Variants in GRIN2A observed in about 807,000 individuals in gnomAD.
GRIN2A encodes the protein glutamate receptor ionotropic, NMDA 2A.
GRIN2A carries 22 observed loss-of-function variants against 113.4 expected under a neutral mutation model. The ratio of observed to expected loss-of-function variants is 0.19; its 90% CI spans 0.14 to 0.28. The LOEUF is 0.28. Ranked by LOEUF, GRIN2A falls within the 10% of genes least tolerant of loss-of-function variation. The pLI is 1.00. For synonymous variants in GRIN2A, 827 were observed against 738.4 expected (o/e 1.12, Z -1.94); for missense variants, 1,502 against 1,887.0 (o/e 0.80, Z 3.78).
intron 2 of GRIN2A, among the ~76,000 whole-genome samples, chr16:10,085,024 A>G (rs539394582): frequency 1.8e-4 from 27 of 152,344 alleles, no homozygotes; most frequent in Middle Eastern, 3.4e-3. Context: ...TCCCTGCAAC[A>G]ACTCCCTGAG....
chr16:9,768,748 G>A, intron 12 of GRIN2A, 103 bp downstream of exon 12: 1 of 824,248 alleles, frequency 1.2e-6, no homozygotes, highest in Non-Finnish European at 2.2e-6. Context: ...CCCAAGAAAG[G>A]CTGGTAAGGG....
intron 2 of GRIN2A, among the ~76,000 whole-genome samples, chr16:9,987,305 A>G (rs1271781158): frequency 1.3e-5 from 2 of 152,230 alleles, no homozygotes; most frequent in Non-Finnish European, 2.9e-5. Flanking sequence ...TTCCTTTTAT[A>G]AAACATTAAT....
At chr16:10,004,173 G>A (rs952224368) in intron 2 of GRIN2A, among the ~76,000 whole-genome samples, 8 of 151,978 alleles carry the variant, frequency 5.3e-5, no homozygotes, top group Non-Finnish European at 1.2e-4. Flanking sequence ...GGCACATCAC[G>A]AAGTCAGGAG....
At chr16:10,178,552 C>A (rs2050196381) in intron 2 of GRIN2A, among the ~76,000 whole-genome samples, 1 of 152,222 alleles carries the variant, frequency 6.6e-6, no homozygotes, top group African/African-American at 2.4e-5. Context: ...CTACTCTCTT[C>A]TTCCCAGACA....
At chr16:9,774,340 C>A (rs1484997514) in intron 11 of GRIN2A, among the ~76,000 whole-genome samples, 2 of 152,152 alleles carry the variant, frequency 1.3e-5, no homozygotes, top group Non-Finnish European at 2.9e-5. Context: ...TTTTGGGGAG[C>A]ACATCCAGTC....
At chr16:9,952,441 A>C (rs575886991) in intron 2 of GRIN2A, among the ~76,000 whole-genome samples, 267 of 152,240 alleles carry the variant, frequency 1.8e-3, no homozygotes, top group African/African-American at 5.1e-3. Flanking sequence ...TGAGCAGCTT[A>C]GTGCTGAAGA....
At chr16:10,102,950 G>A (rs953556733) in intron 2 of GRIN2A, among the ~76,000 whole-genome samples, 3 of 152,266 alleles carry the variant, frequency 2.0e-5, no homozygotes, top group Non-Finnish European at 2.9e-5. Context: ...TGGATGCCTC[G>A]GTTGCTGCAT....
In GRIN2A at chr16:10,146,700, G is replaced by T. The variant is rs138130950; in HGVS notation, c.414+33298C>A. 2.3e-4 allele frequency among the ~76,000 whole-genome samples: 35 copies of T among 152,196 alleles called. No homozygotes were observed. The East Asian group carries it at 6.6e-3, about 29-fold the overall frequency. Reference sequence around the variant, plus strand: ...GGCAAGAGGTGAAAGACAGGTGTTGGGAGGTGGCTCCTGGAGCGTCTGTAG... The same window carrying T: ...GGCAAGAGGTGAAAGACAGGTGTTGTGAGGTGGCTCCTGGAGCGTCTGTAG... On this transcript the variant is annotated intron_variant, in intron 2 of 12. Coordinates refer to ENST00000330684, the MANE Select transcript of GRIN2A (RefSeq NM_001134407.3).
At chr16:10,039,813 A>AAGAGAGAGAGAGAGAGAG (rs142696536) in intron 2 of GRIN2A, among the ~76,000 whole-genome samples, 3 of 73,582 alleles carry the variant, frequency 4.1e-5, no homozygotes, top group African/African-American at 2.0e-4. Flanking sequence ...GGGGGGGAGA[A>AAGAGAGAGAGAGAGAGAG]AGAGAGAGAG....
At chr16:10,101,095 C>T (rs1389352104) in intron 2 of GRIN2A, among the ~76,000 whole-genome samples, 2 of 152,214 alleles carry the variant, frequency 1.3e-5, no homozygotes, top group African/African-American at 4.8e-5. Context: ...ATGAGGGGGA[C>T]ATGGGGCCCG....
chr16:9,836,023 A>G (rs956711425), intron 7 of GRIN2A, among the ~76,000 whole-genome samples: 2 of 152,258 alleles, frequency 1.3e-5, no homozygotes, highest in Admixed American at 1.3e-4. Context: ...AGTAATAAAC[A>G]ATATTATGTC....
intron 4 of GRIN2A, among the ~76,000 whole-genome samples, chr16:9,864,830 C>A (rs2043134533): frequency 6.6e-6 from 1 of 152,160 alleles, no homozygotes; most frequent in Admixed American, 6.6e-5. Context: ...ATTTGTTCTT[C>A]TGTATCTGGG....
At chr16:10,034,272 C>T (rs1483590374) in intron 2 of GRIN2A, among the ~76,000 whole-genome samples, 1 of 152,018 alleles carries the variant, frequency 6.6e-6, no homozygotes, top group African/African-American at 2.4e-5. Context: ...TGCCTGTAAT[C>T]CTAGCACTTC....
At chr16:10,083,480 C>A (rs2048022992) in intron 2 of GRIN2A, among the ~76,000 whole-genome samples, 1 of 152,336 alleles carries the variant, frequency 6.6e-6, no homozygotes, top group Middle Eastern at 3.4e-3. Context: ...CTGATGCAGT[C>A]AAGATAAAGA....
At chr16:10,088,487 C>T (rs2048123427) in intron 2 of GRIN2A, among the ~76,000 whole-genome samples, 1 of 152,218 alleles carries the variant, frequency 6.6e-6, no homozygotes, top group Admixed American at 6.5e-5. Flanking sequence ...AATCTATACC[C>T]ACCCTAGACC....
intron 11 of GRIN2A, among the ~76,000 whole-genome samples, chr16:9,789,238 G>A (rs1902437909): frequency 6.6e-6 from 1 of 152,174 alleles, no homozygotes; most frequent in African/African-American, 2.4e-5. Flanking sequence ...TTGGGTCATG[G>A]GTTTTGATAA....
intron 2 of GRIN2A, among the ~76,000 whole-genome samples, chr16:10,048,736 C>G (rs1395513727): frequency 2.1e-5 from 3 of 144,456 alleles, no homozygotes; most frequent in African/African-American, 7.7e-5. Context: ...AGTAATACCC[C>G]ACACTTGGCC....
intron 2 of GRIN2A, among the ~76,000 whole-genome samples, chr16:10,165,529 T>G (rs572201329): frequency 1.4e-5 from 2 of 145,176 alleles, no homozygotes; most frequent in Non-Finnish European, 3.0e-5. Flanking sequence ...TATATATATG[T>G]ATATATATAT....
At chr16:10,175,029 A>G (rs2050115184) in intron 2 of GRIN2A, among the ~76,000 whole-genome samples, 1 of 152,236 alleles carries the variant, frequency 6.6e-6, no homozygotes, top group Admixed American at 6.5e-5. Flanking sequence ...AGATACACAA[A>G]TACTCACCAA....
Sources: gnomAD v4.1 joint callset for allele counts (sites outside exome capture counted in the v4.1 genomes callset) on GRCh38, gnomAD v4.1.1 for gene constraint, MANE v1.5 for transcripts, NCBI Gene and HGNC (gene_info 2026-07-23, HGNC 2026-07-21) for gene names.